NEDD4: variants seen among roughly 807,000 people sequenced by gnomAD.
NEDD4 encodes NEDD4 E3 ubiquitin protein ligase, also known as E3 ubiquitin-protein ligase NEDD4.
A neutral mutation model predicts 144.9 loss-of-function variants in NEDD4; 99 were observed. The ratio of observed to expected loss-of-function variants is 0.68; its 90% confidence interval spans 0.58 to 0.81. The LOEUF is 0.81. Among genes scored for constraint, NEDD4 ranks in the 30% least tolerant of loss-of-function variants. The probability of loss-of-function intolerance (pLI) is 0.00; values close to 1 mark genes in which losing one functional copy is unlikely to be tolerated. For missense variants in NEDD4, 985 were observed against 1,065.9 expected (o/e 0.92, Z 1.06); for synonymous variants, 318 against 350.6 (o/e 0.91, Z 1.04).
chr15:55,945,404 A>C (rs2037091265), intron 4 of NEDD4, among the ~76,000 whole-genome samples: 1 of 152,226 alleles, frequency 6.6e-6, no homozygotes, highest in Non-Finnish European at 1.5e-5. Context: ...AAGTGGAAGA[A>C]AGGCTATCAC....
chr15:55,947,045 A>G (rs1415174794), intron 4 of NEDD4, among the ~76,000 whole-genome samples: 3 of 152,190 alleles, frequency 2.0e-5, no homozygotes, highest in African/African-American at 4.8e-5. Context: ...AATGCCCACA[A>G]GAGAAAGCAG....
intron 1 of NEDD4, among the ~76,000 whole-genome samples, chr15:55,969,076 C>T (rs1368786609): frequency 6.6e-6 from 1 of 152,202 alleles, no homozygotes; most frequent in Non-Finnish European, 1.5e-5. Flanking sequence ...ACCCCTCCCA[C>T]ATGCCCTGGC....
At chr15:55,916,483 T>C (rs774801098) in intron 5 of NEDD4, 6 of 1,614,042 alleles carry the variant, frequency 3.7e-6, no homozygotes, top group Admixed American at 1.7e-5. Flanking sequence ...TCCTTCAAGA[T>C]ACAAGTAAAC....
chr15:55,933,933 C>T (rs2036832664), intron 4 of NEDD4, among the ~76,000 whole-genome samples: 1 of 152,162 alleles, frequency 6.6e-6, no homozygotes, highest in African/African-American at 2.4e-5. Flanking sequence ...GCAGGCAGGT[C>T]ACCTGAGGTC....
chr15:55,980,107 TA>T (rs1464079978), intron 1 of NEDD4, among the ~76,000 whole-genome samples: 3 of 152,118 alleles, frequency 2.0e-5, no homozygotes, highest in African/African-American at 7.2e-5. Context: ...TATGCCCAGC[TA>T]ATTTTTGTAT....
At chr15:55,831,080 C>T (rs1475027991) in intron 27 of NEDD4, among the ~76,000 whole-genome samples, 3 of 152,048 alleles carry the variant, frequency 2.0e-5, no homozygotes, top group African/African-American at 7.2e-5. Flanking sequence ...CCACCACACC[C>T]AGCTAATTTT....
intron 2 of NEDD4, among the ~76,000 whole-genome samples, chr15:55,958,874 TC>T (rs111784267): frequency 0.029 from 4,349 of 150,018 alleles, 92 homozygotes; most frequent in Non-Finnish European, 0.035. Flanking sequence ...GCCCCAGTTT[TC>T]ATTCTCATTA....
chr15:55,914,082 G>T (rs2036356440), intron 5 of NEDD4, among the ~76,000 whole-genome samples: 4 of 151,738 alleles, frequency 2.6e-5, no homozygotes, highest in African/African-American at 9.7e-5. Flanking sequence ...CCTTAGTAAA[G>T]TAGTGGCTTA....
intron 18 of NEDD4, among the ~76,000 whole-genome samples, chr15:55,843,941 G>A (rs532748452): frequency 2.0e-5 from 3 of 152,240 alleles, no homozygotes; most frequent in East Asian, 3.9e-4. Flanking sequence ...CTCATCTGGC[G>A]TATATGTGAA....
intron 9 of NEDD4, 148 bp downstream of exon 9, chr15:55,862,765 T>C (rs1010420146): frequency 1.0e-5 from 7 of 677,354 alleles, no homozygotes; most frequent in Middle Eastern, 4.7e-4. Context: ...AGTTAGGATT[T>C]TTAAAGTCCT....
chr15:55,911,912 T>C (rs1355154657), intron 5 of NEDD4, among the ~76,000 whole-genome samples: 1 of 152,240 alleles, frequency 6.6e-6, no homozygotes, highest in Admixed American at 6.5e-5. Flanking sequence ...TTTACTCATC[T>C]TTTATTCTCA....
intron 9 of NEDD4, among the ~76,000 whole-genome samples, chr15:55,861,368 G>A (rs1424411768): frequency 6.6e-6 from 1 of 152,066 alleles, no homozygotes; most frequent in Admixed American, 6.6e-5. Context: ...CCTGAAAAAG[G>A]TAATAGTAAA....
At chr15:55,867,964 G>A (rs530419640) in intron 8 of NEDD4, among the ~76,000 whole-genome samples, 48 of 151,112 alleles carry the variant, frequency 3.2e-4, no homozygotes, top group African/African-American at 1.1e-3. Flanking sequence ...GCTGAGGCAT[G>A]AGAATTACTT....
At chr15:55,948,110 G>T (rs1244780617) in intron 4 of NEDD4, among the ~76,000 whole-genome samples, 1 of 152,102 alleles carries the variant, frequency 6.6e-6, no homozygotes, top group Non-Finnish European at 1.5e-5. Context: ...AAAGTCTCAG[G>T]ATACAAAATT....
At chr15:55,850,837 A>T (rs2033956440) in intron 13 of NEDD4, 95 bp from the exon 14 acceptor site, 2 of 1,042,418 alleles carry the variant, frequency 1.9e-6, no homozygotes, top group Non-Finnish European at 2.7e-6. Flanking sequence ...AATAGAATAC[A>T]CACCCTCCAT....
chr15:55,882,345 G>A (rs1474574931), intron 5 of NEDD4, among the ~76,000 whole-genome samples: 1 of 152,172 alleles, frequency 6.6e-6, no homozygotes, highest in Non-Finnish European at 1.5e-5. Context: ...ATGGCATGGA[G>A]AATCCGTGCA....
chr15:55,896,231 G>T (rs1250992454), intron 5 of NEDD4, among the ~76,000 whole-genome samples: 1 of 152,054 alleles, frequency 6.6e-6, no homozygotes, highest in Non-Finnish European at 1.5e-5. Flanking sequence ...GCCCAGGCTG[G>T]AGTGCAATGG....
At chr15:55,831,456 G>T (rs1382019398) in intron 27 of NEDD4, among the ~76,000 whole-genome samples, 1 of 152,128 alleles carries the variant, frequency 6.6e-6, no homozygotes, top group Non-Finnish European at 1.5e-5. Context: ...GGCCAGAGAC[G>T]GAAAGGGGCA....
Position 55,862,067 on chromosome 15 carries a change from T to C in NEDD4, c.674+846A>G, listed in dbSNP as rs2034428311. Among the ~76,000 whole-genome samples the C allele has an allele frequency of 2.6e-5, 4 of 152,184 alleles. No individual in the cohort carries two copies. The East Asian group carries it at 7.7e-4, about 29-fold the overall frequency. On this transcript the variant is annotated intron_variant, in intron 9 of 28. Coordinates refer to ENST00000435532, the MANE Select transcript of NEDD4 (RefSeq NM_006154.4). ...TACAGAATTTTATAGTGTCTTCAGCTTTGCAGTCTGTACGTCACTCTATGA... is the reference window on the plus strand; with the variant it reads ...TACAGAATTTTATAGTGTCTTCAGCCTTGCAGTCTGTACGTCACTCTATGA...
Sources: gnomAD v4.1 joint callset for allele counts (sites outside exome capture counted in the v4.1 genomes callset) on GRCh38, gnomAD v4.1.1 for gene constraint, MANE v1.5 for transcripts, NCBI Gene and HGNC (gene_info 2026-07-23, HGNC 2026-07-21) for gene names.